The following CASD1 variants were observed in gnomAD, a reference collection of about 807,000 sequenced individuals.
CASD1 encodes the protein CAS1 domain sialic acid O acetyltransferase 1.
CASD1 carries 41 observed loss-of-function variants against 100.0 expected under a neutral mutation model. The ratio of observed to expected loss-of-function variants is 0.41; its 90% confidence interval spans 0.32 to 0.53. The LOEUF (loss-of-function observed/expected upper bound fraction) is 0.53. Among genes scored for constraint, CASD1 ranks in the 20% least tolerant of loss-of-function variants. CASD1 has a pLI of 0.25. For synonymous variants in CASD1, 321 were observed against 315.6 expected, an observed-to-expected ratio of 1.02 and a Z score of -0.18; for missense variants, 774 against 948.7, an observed-to-expected ratio of 0.82 and a Z score of 2.42.
the CASD1 span, chr7:94,616,880 A>AT: frequency 1.3e-5 from 2 of 152,188 alleles, no homozygotes; most frequent in African/African-American, 4.8e-5. Flanking sequence ...CCATATGAAT[A>AT]TTTTGTAAAG....
the CASD1 span, among the ~76,000 whole-genome samples, chr7:94,604,853 ATAT>A: frequency 1.0e-5 from 1 of 97,942 alleles, no homozygotes; most frequent in African/African-American, 4.5e-5. Context: ...ATATATATAT[ATAT>A]ATAATAGTTG....
chr7:94,590,166 A>G, the CASD1 span: 1 of 152,060 alleles, frequency 6.6e-6, no homozygotes, highest in Non-Finnish European at 1.5e-5. Flanking sequence ...ATCAGCTCCC[A>G]TTTGTTCTTG....
downstream of CASD1, among the ~76,000 whole-genome samples, chr7:94,559,732 G>A (rs1025815699): frequency 2.6e-5 from 4 of 152,136 alleles, no homozygotes; most frequent in Admixed American, 2.6e-4. Flanking sequence ...CACCGTGTTG[G>A]CCAGGCTGTT....
the CASD1 span, among the ~76,000 whole-genome samples, chr7:94,576,899 A>C: frequency 3.9e-5 from 6 of 152,070 alleles, no homozygotes; most frequent in African/African-American, 1.4e-4. Context: ...GAATCATTGA[A>C]CCTGAGTATG....
At chr7:94,604,381 C>A in the CASD1 span, among the ~76,000 whole-genome samples, 1 of 151,622 alleles carries the variant, frequency 6.6e-6, no homozygotes, top group Non-Finnish European at 1.5e-5. Flanking sequence ...TCCTAAAATT[C>A]CTAAGGAAGT....
chr7:94,587,506 A>G, the CASD1 span: 1 of 1,296,864 alleles, frequency 7.7e-7, no homozygotes, highest in Admixed American at 4.2e-5. Context: ...GTATTCTTTT[A>G]GAAATTTTCC....
the CASD1 span, among the ~76,000 whole-genome samples, chr7:94,632,603 A>G: frequency 5.9e-5 from 9 of 152,114 alleles, no homozygotes; most frequent in Non-Finnish European, 7.4e-5. Context: ...TCATCTAGAA[A>G]TGGAAAATGA....
At chr7:94,597,231 A>C in the CASD1 span, 1 of 152,248 alleles carries the variant, frequency 6.6e-6, no homozygotes, top group African/African-American at 2.4e-5. Context: ...CCCATTTCTT[A>C]AATTACCCAC....
At chr7:94,602,605 T>C in the CASD1 span, among the ~76,000 whole-genome samples, 1 of 151,696 alleles carries the variant, frequency 6.6e-6, no homozygotes, top group East Asian at 1.9e-4. Context: ...AACAAAGAAT[T>C]GAAACAACTC....
chr7:94,592,184 A>G, the CASD1 span, among the ~76,000 whole-genome samples: 10 of 152,320 alleles, frequency 6.6e-5, no homozygotes, highest in African/African-American at 2.2e-4. Flanking sequence ...GAATGTATCT[A>G]TGATGGGCAT....
At chr7:94,570,031 T>A in the CASD1 span, among the ~76,000 whole-genome samples, 1 of 152,012 alleles carries the variant, frequency 6.6e-6, no homozygotes, top group Non-Finnish European at 1.5e-5. Flanking sequence ...GACAGGATGG[T>A]CTTGATCTCC....
intron 16 of CASD1, chr7:94,554,155 GTT>G (rs1327446427): frequency 1.2e-5 from 2 of 166,356 alleles, no homozygotes; most frequent in Non-Finnish European, 2.6e-5. Flanking sequence ...TTTGTGAAGT[GTT>G]GCTACATAAA....
At chr7:94,575,766 G>A in the CASD1 span, among the ~76,000 whole-genome samples, 305 of 148,960 alleles carry the variant, frequency 2.0e-3, no homozygotes, top group African/African-American at 7.1e-3. Context: ...ATCTTTGGTT[G>A]ATGATTTTTT....
At chr7:94,623,982 A>C in the CASD1 span, 1 of 386,188 alleles carries the variant, frequency 2.6e-6, no homozygotes, top group Non-Finnish European at 4.6e-6. Flanking sequence ...CAATCCCTTC[A>C]TACGGGCAAA....
chr7:94,555,735 A>G lies in CASD1; in HGVS notation c.2371A>G (p.Ile791Val). ...TTGTGGACTCCTCATCTTATCATCC[A>G]TTCAAGATAAATCAAAACATTAGGT... is the stretch of plus-strand genomic sequence containing the variant. ...FFCGLLILSS[I>V]QDKSKH Residue 791 changes from isoleucine (I) to valine (V), a missense_variant, in exon 18 of 18, where the codon ATT becomes GTT. Coordinates refer to ENST00000297273, the MANE Select transcript of CASD1 (RefSeq NM_022900.5). 6.2e-7 allele frequency: 1 copy of G among 1,612,406 alleles called. No homozygotes were observed. The highest frequency in any genetic ancestry group is 8.5e-7 in the Non-Finnish European group (1 of 1,179,302).
intron 14 of CASD1, among the ~76,000 whole-genome samples, chr7:94,549,891 T>C (rs2116407539): frequency 6.6e-6 from 1 of 152,188 alleles, no homozygotes; most frequent in African/African-American, 2.4e-5. Flanking sequence ...TGACTTATAA[T>C]TTTGATTTAT....
At chr7:94,604,806 AATATATAT>A in the CASD1 span, among the ~76,000 whole-genome samples, 581 of 44,002 alleles carry the variant, frequency 0.013, 7 homozygotes, top group African/African-American at 0.027. Context: ...ATGGTGCTGG[AATATATAT>A]ATATATATAT....
At chr7:94,542,080 A>G (rs1795431796) in intron 10 of CASD1, among the ~76,000 whole-genome samples, 1 of 152,232 alleles carries the variant, frequency 6.6e-6, no homozygotes, top group South Asian at 2.1e-4. Context: ...TAAATGAATT[A>G]TACTTACTGT....
At chr7:94,523,113 A>G (rs1794375724) in intron 3 of CASD1, among the ~76,000 whole-genome samples, 1 of 152,202 alleles carries the variant, frequency 6.6e-6, no homozygotes, top group Non-Finnish European at 1.5e-5. Context: ...TAATGGTGAA[A>G]TGTCAGACAT....
Sources: gnomAD v4.1 joint callset for allele counts (sites outside exome capture counted in the v4.1 genomes callset) on GRCh38, gnomAD v4.1.1 for gene constraint, MANE v1.5 for transcripts, NCBI Gene and HGNC (gene_info 2026-07-23, HGNC 2026-07-21) for gene names.